DOK6: variants seen among roughly 807,000 people sequenced by gnomAD.
DOK6 encodes the protein downstream of tyrosine kinase 6.
A neutral mutation model predicts 44.0 loss-of-function variants in DOK6; 22 were observed. The observed-to-expected ratio is 0.50, with a 90% confidence interval of 0.36 to 0.71. The LOEUF (loss-of-function observed/expected upper bound fraction) is 0.71. Ranked by LOEUF, DOK6 falls within the 30% of genes least tolerant of loss-of-function variation. The pLI is 0.00. For synonymous variants in DOK6, 166 were observed against 145.5 expected (o/e 1.14, Z -1.01); for missense variants, 340 against 416.4 (o/e 0.82, Z 1.60).
chr18:69,527,987 C>A (rs1474574073), intron 1 of DOK6, among the ~76,000 whole-genome samples: 4 of 151,894 alleles, frequency 2.6e-5, no homozygotes, highest in African/African-American at 4.8e-5. Context: ...CATGGTGAAA[C>A]CCTGTCTCTA....
At chr18:69,605,843 C>T (rs927589123) in intron 3 of DOK6, among the ~76,000 whole-genome samples, 9 of 152,264 alleles carry the variant, frequency 5.9e-5, no homozygotes, top group African/African-American at 2.2e-4. Context: ...CTTTCCTGCT[C>T]TCCTCTGTGC....
intron 7 of DOK6, among the ~76,000 whole-genome samples, chr18:69,784,506 AT>A (rs1404513689): frequency 6.6e-6 from 1 of 151,648 alleles, no homozygotes; most frequent in Non-Finnish European, 1.5e-5. Flanking sequence ...GTAATATAAA[AT>A]ATTATGATGC....
At chr18:69,622,012 C>T (rs1042572312) in intron 3 of DOK6, among the ~76,000 whole-genome samples, 4 of 152,124 alleles carry the variant, frequency 2.6e-5, no homozygotes, top group Non-Finnish European at 5.9e-5. Context: ...CTTAAAAATA[C>T]TGTACATATA....
At chr18:69,492,550 G>A (rs541975866) in intron 1 of DOK6, among the ~76,000 whole-genome samples, 2 of 152,062 alleles carry the variant, frequency 1.3e-5, no homozygotes, top group South Asian at 2.1e-4. Context: ...CATAGTACCC[G>A]ATAGGTAGTT....
chr18:69,460,413 A>C (rs1467057759), intron 1 of DOK6, among the ~76,000 whole-genome samples: 2 of 152,172 alleles, frequency 1.3e-5, no homozygotes, highest in Admixed American at 6.5e-5. Context: ...TATATCAATA[A>C]AATATACATA....
chr18:69,466,385 A>G (rs1979928287), intron 1 of DOK6, among the ~76,000 whole-genome samples: 2 of 152,148 alleles, frequency 1.3e-5, no homozygotes, highest in African/African-American at 4.8e-5. Flanking sequence ...CTGTACATCT[A>G]TACTGCATTT....
At chr18:69,521,894 T>C (rs1981696669) in intron 1 of DOK6, among the ~76,000 whole-genome samples, 2 of 152,094 alleles carry the variant, frequency 1.3e-5, no homozygotes, top group East Asian at 1.9e-4. Flanking sequence ...TTGTACCCCA[T>C]AAATATATAC....
intron 1 of DOK6, among the ~76,000 whole-genome samples, chr18:69,462,656 T>A (rs1224716366): frequency 1.3e-5 from 2 of 152,218 alleles, no homozygotes; most frequent in Admixed American, 1.3e-4. Flanking sequence ...GCTTTGGCTT[T>A]AAAAAATGTT....
intron 1 of DOK6, among the ~76,000 whole-genome samples, chr18:69,469,294 A>G (rs1043191615): frequency 4.6e-5 from 7 of 152,320 alleles, no homozygotes; most frequent in South Asian, 2.1e-4. Flanking sequence ...TAATTATTAG[A>G]TTTATACAAG....
intron 1 of DOK6, among the ~76,000 whole-genome samples, chr18:69,561,312 C>T (rs1389230263): frequency 1.3e-5 from 2 of 152,156 alleles, no homozygotes; most frequent in Non-Finnish European, 2.9e-5. Context: ...CTATATCAAA[C>T]TGTCTCTTCT....
At chr18:69,651,343 C>T (rs1189585017) in intron 3 of DOK6, among the ~76,000 whole-genome samples, 1 of 152,058 alleles carries the variant, frequency 6.6e-6, no homozygotes, top group East Asian at 1.9e-4. Context: ...AGATATAGTC[C>T]AATTTATGCA....
At chr18:69,514,786 A>G (rs1481819971) in intron 1 of DOK6, among the ~76,000 whole-genome samples, 1 of 151,520 alleles carries the variant, frequency 6.6e-6, no homozygotes, top group Non-Finnish European at 1.5e-5. Context: ...TTATTATACA[A>G]CATGCTACCT....
At chr18:69,729,423 A>T (rs1274964491) in intron 5 of DOK6, among the ~76,000 whole-genome samples, 3 of 152,180 alleles carry the variant, frequency 2.0e-5, no homozygotes, top group Non-Finnish European at 4.4e-5. Context: ...CTTTCCTACC[A>T]ACATGTTTGT....
chr18:69,416,204 A>G (rs140318713), intron 1 of DOK6, among the ~76,000 whole-genome samples: 10 of 145,760 alleles, frequency 6.9e-5, no homozygotes, highest in African/African-American at 2.5e-4. Flanking sequence ...GAAGGAAGGA[A>G]GGAAGGAACG....
chr18:69,485,101 A>T (rs1037532563), intron 1 of DOK6, among the ~76,000 whole-genome samples: 1 of 152,132 alleles, frequency 6.6e-6, no homozygotes, highest in South Asian at 2.1e-4. Context: ...ACTAATAGTG[A>T]GGGTCACTTG....
chr18:69,429,616 G>GATATATAT (rs1978740354), intron 1 of DOK6, among the ~76,000 whole-genome samples: 3 of 78,148 alleles, frequency 3.8e-5, no homozygotes, highest in Non-Finnish European at 8.2e-5. Flanking sequence ...AATATTGAGG[G>GATATATAT]ATACATATAT....
At chr18:69,662,339 T>A (rs182559133) in intron 3 of DOK6, 1 of 152,384 alleles carries the variant, frequency 6.6e-6, no homozygotes, top group East Asian at 1.9e-4. Context: ...TGGTTCTGTT[T>A]TGAGGCTTTC....
chr18:69,462,120 C>A (rs1979805523), intron 1 of DOK6, among the ~76,000 whole-genome samples: 1 of 152,112 alleles, frequency 6.6e-6, no homozygotes, highest in Non-Finnish European at 1.5e-5. Context: ...CCTTGAAATT[C>A]CAAAGTGTGT....
intron 6 of DOK6, among the ~76,000 whole-genome samples, chr18:69,744,874 A>T (rs1357584063): frequency 6.7e-6 from 1 of 149,240 alleles, no homozygotes; most frequent in Non-Finnish European, 1.5e-5. Flanking sequence ...TGCGGTGAGC[A>T]GAGATCACAT....
Sources: allele counts gnomAD v4.1 joint callset (sites outside exome capture counted in the v4.1 genomes callset), GRCh38; gene constraint gnomAD v4.1.1; transcripts MANE v1.5; gene names NCBI Gene and HGNC (gene_info 2026-07-23, HGNC 2026-07-21).